Variants in ROBO1 observed in about 807,000 individuals in gnomAD.
ROBO1 encodes roundabout guidance receptor 1, also known as roundabout homolog 1.
In ROBO1, 149 loss-of-function variants were observed where a neutral mutation model predicts 195.9. The observed-to-expected ratio is 0.76, with a 90% CI of 0.67 to 0.87. The LOEUF (loss-of-function observed/expected upper bound fraction) is 0.87. Among genes scored for constraint, ROBO1 ranks in the 40% least tolerant of loss-of-function variants. ROBO1 has a pLI of 0.00. For missense variants in ROBO1, 1,933 were observed against 2,068.3 expected (o/e 0.93, Z 1.27); for synonymous variants, 816 against 733.2 (o/e 1.11, Z -1.82).
chr3:78,760,804 G>C (rs2083080377), intron 4 of ROBO1, among the ~76,000 whole-genome samples: 1 of 151,308 alleles, frequency 6.6e-6, no homozygotes, highest in Admixed American at 6.6e-5. Flanking sequence ...ACTGTGCCCA[G>C]CCAAATTTTT....
chr3:78,924,080 T>G (rs1378352639), intron 4 of ROBO1, among the ~76,000 whole-genome samples: 1 of 152,068 alleles, frequency 6.6e-6, no homozygotes, highest in Non-Finnish European at 1.5e-5. Flanking sequence ...TGTATAAGTA[T>G]GTATACATAC....
At chr3:79,278,076 A>T (rs2031195906) in intron 2 of ROBO1, among the ~76,000 whole-genome samples, 2 of 152,086 alleles carry the variant, frequency 1.3e-5, no homozygotes, top group Non-Finnish European at 2.9e-5. Flanking sequence ...TAGCTACAAA[A>T]TAAATAAAAT....
intron 2 of ROBO1, among the ~76,000 whole-genome samples, chr3:79,402,414 A>G (rs2037400188): frequency 6.6e-6 from 1 of 152,006 alleles, no homozygotes; most frequent in African/African-American, 2.4e-5. Context: ...TATGCTTTCA[A>G]GAAACAGCTA....
At chr3:79,360,306 G>C (rs974377601) in intron 2 of ROBO1, among the ~76,000 whole-genome samples, 1 of 151,846 alleles carries the variant, frequency 6.6e-6, no homozygotes, top group Non-Finnish European at 1.5e-5. Context: ...TTTTTATAAA[G>C]GGAAAAGACA....
At chr3:79,634,797 C>T (rs1945447902) in intron 1 of ROBO1, among the ~76,000 whole-genome samples, 1 of 152,104 alleles carries the variant, frequency 6.6e-6, no homozygotes, top group East Asian at 1.9e-4. Context: ...TAAAAATACT[C>T]TTGTTGTGCC....
intron 4 of ROBO1, among the ~76,000 whole-genome samples, chr3:78,852,347 C>T (rs1459211227): frequency 2.0e-5 from 3 of 152,118 alleles, no homozygotes; most frequent in Admixed American, 6.6e-5. Context: ...TTTCTCTCTT[C>T]GGCATGGAAG....
At chr3:79,392,440 C>T (rs995176778) in intron 2 of ROBO1, among the ~76,000 whole-genome samples, 1 of 152,072 alleles carries the variant, frequency 6.6e-6, no homozygotes, top group African/African-American at 2.4e-5. Context: ...CTCTTGACGG[C>T]ACCCATGGAG....
chr3:79,392,439 G>A (rs1380760152), intron 2 of ROBO1, among the ~76,000 whole-genome samples: 4 of 152,050 alleles, frequency 2.6e-5, no homozygotes, highest in Non-Finnish European at 5.9e-5. Flanking sequence ...TCTCTTGACG[G>A]CACCCATGGA....
chr3:79,267,532 G>T (rs1282041257), intron 2 of ROBO1, among the ~76,000 whole-genome samples: 2 of 148,834 alleles, frequency 1.3e-5, no homozygotes, highest in Non-Finnish European at 3.0e-5. Flanking sequence ...GGAATCTTGT[G>T]TTTTAAATCT....
At chr3:78,748,260 A>C (rs1413191104) in intron 4 of ROBO1, among the ~76,000 whole-genome samples, 3 of 152,142 alleles carry the variant, frequency 2.0e-5, no homozygotes, top group Admixed American at 2.0e-4. Context: ...AGCCTGACCA[A>C]CATGGAGAAA....
intron 2 of ROBO1, among the ~76,000 whole-genome samples, chr3:79,341,384 A>G (rs1427862607): frequency 6.6e-6 from 1 of 152,186 alleles, no homozygotes; most frequent in Non-Finnish European, 1.5e-5. Flanking sequence ...ATAGGCACTG[A>G]GGCTTCACTT....
rs1444777168 is a variant in ROBO1 at position 78,688,730 on chromosome 3, G to A, written c.1088C>T (p.Ala363Val). The change falls in exon 9 of 31, where the codon GCT becomes GTT. Residue 363 changes from alanine to valine, a missense_variant. Transcript: ENST00000464233. ...CTGAAAAGTTACAGTCCGTCCCAAA[G>A]CAACAACCTGGTCACGGGGTTTCAC... ...FVVKPRDQVV[A>V]LGRTVTFQCE... The A allele has an allele frequency of 6.2e-7, 1 of 1,609,402 alleles. No homozygotes were observed. Among genetic ancestry groups the A allele is most frequent in the Non-Finnish European group, 8.5e-7 (1 of 1,177,770 alleles).
At chr3:78,608,873 A>C (rs1434004356) in intron 28 of ROBO1, among the ~76,000 whole-genome samples, 2 of 152,164 alleles carry the variant, frequency 1.3e-5, no homozygotes, top group African/African-American at 4.8e-5. Flanking sequence ...ACATCACTGA[A>C]GGTACAGAAT....
At chr3:79,334,312 ATATAT>A (rs1250772203) in intron 2 of ROBO1, among the ~76,000 whole-genome samples, 1 of 39,736 alleles carries the variant, frequency 2.5e-5, no homozygotes, top group African/African-American at 5.5e-5. Context: ...AAAAAAAAAA[ATATAT>A]ATATATATAT....
chr3:78,623,485 CAG>C (rs1704574850), intron 26 of ROBO1, among the ~76,000 whole-genome samples: 1 of 152,134 alleles, frequency 6.6e-6, no homozygotes, highest in Non-Finnish European at 1.5e-5. Context: ...GTAGGGCACA[CAG>C]GGGTCAGATC....
chr3:78,668,832 G>A (rs1275686336), intron 11 of ROBO1, among the ~76,000 whole-genome samples: 1 of 152,042 alleles, frequency 6.6e-6, no homozygotes, highest in Admixed American at 6.6e-5. Flanking sequence ...CAGTCTCAGG[G>A]ACAATAATTC....
At chr3:78,740,358 T>G (rs2082496188) in intron 5 of ROBO1, among the ~76,000 whole-genome samples, 1 of 151,692 alleles carries the variant, frequency 6.6e-6, no homozygotes. Flanking sequence ...TGACATTTAT[T>G]TAAATTTAAT....
chr3:78,853,390 T>C (rs539442261), intron 4 of ROBO1, among the ~76,000 whole-genome samples: 1 of 151,226 alleles, frequency 6.6e-6, no homozygotes, highest in South Asian at 2.1e-4. Flanking sequence ...AAGTATAGGA[T>C]ATGTGCATAT....
At position 79,653,209 on chromosome 3, in the gene ROBO1, T is replaced by C. The variant is rs557029470; in HGVS notation, c.-50-63248A>G. On this transcript the variant is annotated intron_variant, in intron 1 of 30. Transcript: ENST00000464233. ...TCTTTATTACACATCGATGTTTAAT[T>C]ATATTTCATTATAATTTCATGAAAA... Among the ~76,000 whole-genome samples, 3 of 151,990 alleles carry C rather than the reference T, an allele frequency of 2.0e-5. No individual in the cohort carries two copies. The South Asian group carries it at 6.2e-4, about 31-fold the overall frequency.
Sources: gnomAD v4.1 joint callset for allele counts (sites outside exome capture counted in the v4.1 genomes callset) on GRCh38, gnomAD v4.1.1 for gene constraint, MANE v1.5 for transcripts, NCBI Gene and HGNC (gene_info 2026-07-23, HGNC 2026-07-21) for gene names.